The following IQCK variants were observed in gnomAD, a reference collection of about 807,000 sequenced individuals.
IQCK encodes the protein IQ domain-containing protein K.
IQCK carries 29 observed loss-of-function variants against 28.1 expected under a neutral mutation model. The ratio of observed to expected loss-of-function variants is 1.03; its 90% CI spans 0.77 to 1.41. The LOEUF is 1.41. IQCK is among the 40% of genes most tolerant of loss of function. The pLI is 0.00. For synonymous variants in IQCK, 113 were observed against 115.1 expected, an observed-to-expected ratio of 0.98 and a Z score of 0.12; for missense variants, 359 against 314.7, an observed-to-expected ratio of 1.14 and a Z score of -1.07.
chr16:19,727,170 C>T (rs1319189036), intron 1 of IQCK, among the ~76,000 whole-genome samples: 1 of 150,986 alleles, frequency 6.6e-6, no homozygotes, highest in Non-Finnish European at 1.5e-5. Flanking sequence ...AAGATAGTCA[C>T]TAATTTTTAT....
intron 4 of IQCK, among the ~76,000 whole-genome samples, chr16:19,748,390 C>T (rs558557848): frequency 1.4e-4 from 21 of 152,212 alleles, no homozygotes; most frequent in Admixed American, 7.9e-4. Flanking sequence ...CTTATCCTTC[C>T]ATTTACTAGT....
At chr16:19,856,557 A>G in exon 10 of IQCK, 1 of 1,612,218 alleles carries the variant, frequency 6.2e-7, no homozygotes, top group Non-Finnish European at 8.5e-7. Context: ...AACCATAGCT[A>G]AGACGTATCT....
intron 6 of IQCK, among the ~76,000 whole-genome samples, chr16:19,781,724 C>G (rs907122285): frequency 3.0e-4 from 46 of 152,148 alleles, no homozygotes; most frequent in African/African-American, 9.7e-4. Context: ...CGTGGTGGCT[C>G]ACGCCTGTAA....
rs568761074 is a variant in IQCK, at chr16:19,838,043, A to C, written c.802+10906A>C. On this transcript the variant is annotated intron_variant, in intron 9 of 9. Transcript: ENST00000320394. Reference sequence around the variant, plus strand: ...TGAATGGTTGAATCAGGAAATCTCTATAACAGCAAAACAGAATATCCCATA... The same window carrying C: ...TGAATGGTTGAATCAGGAAATCTCTCTAACAGCAAAACAGAATATCCCATA... Among the ~76,000 whole-genome samples, 3 of 152,374 alleles carry C rather than the reference A, an allele frequency of 2.0e-5. No individual in the cohort carries two copies. In the South Asian group the frequency reaches 6.2e-4, roughly 32 times the overall value.
rs1467786294 is a variant in IQCK at position 19,797,262 on chromosome 16, G to GA, written c.690+8348dup. ...ATGAAATCTTGGATACAATTGGTAA[G>GA]AAAAAAAACCTTGCTTTCTTGTGAG... On this transcript the variant is annotated intron_variant, in intron 7 of 7. Transcript: ENST00000564186. Among the ~76,000 whole-genome samples the GA allele has an allele frequency of 3.6e-5, 4 of 112,008 alleles. 1 individual carries two copies. Among genetic ancestry groups the GA allele is most frequent in the East Asian group, 4.4e-4 (2 of 4,522 alleles). The allele number at this position is 112,008 out of a possible 152,430, so 73.5% of individuals were successfully genotyped here.
chr16:19,850,582 C>T (rs1039622472), intron 9 of IQCK, among the ~76,000 whole-genome samples: 1 of 152,148 alleles, frequency 6.6e-6, no homozygotes, highest in African/African-American at 2.4e-5. Flanking sequence ...TCCATAGCTG[C>T]GTGGCAGATG....
chr16:19,820,765 A>T lies in IQCK; in HGVS notation c.691-6261A>T, dbSNP rs190120939. On this transcript the variant is annotated intron_variant, in intron 7 of 7. Transcript: ENST00000564186. ...ACAGAATGGGAGAAAATACTAGTAT[A>T]TAATACATTTGAGAAGCGTATAGTG... Among the ~76,000 whole-genome samples, 20 of 152,334 alleles carry T rather than the reference A, an allele frequency of 1.3e-4. No individual in the cohort carries two copies. The East Asian group carries it at 1.9e-3, about 15-fold the overall frequency.
chr16:19,837,501 C>G (rs1223796061), intron 9 of IQCK, among the ~76,000 whole-genome samples: 3 of 152,164 alleles, frequency 2.0e-5, no homozygotes, highest in Non-Finnish European at 4.4e-5. Flanking sequence ...TTAATCCTCT[C>G]CAGGCTGTTT....
At chr16:19,807,145 G>T (rs967050982) in intron 7 of IQCK, among the ~76,000 whole-genome samples, 3 of 152,188 alleles carry the variant, frequency 2.0e-5, no homozygotes, top group African/African-American at 7.2e-5. Context: ...CCCTATGGGG[G>T]CACCTACATG....
At chr16:19,802,019 A>AG (rs2055766889) in intron 7 of IQCK, among the ~76,000 whole-genome samples, 1 of 132,068 alleles carries the variant, frequency 7.6e-6, no homozygotes, top group Admixed American at 7.5e-5. Context: ...CAGCACTGAG[A>AG]GGGAGAGAGG....
Position 19,730,401 on chromosome 16 carries a change from A to T in IQCK, c.182-29A>T, listed in dbSNP as rs747767250. ...ACCAGAAACTCTAGTGAAGTATGGA[A>T]TTGAGGATTTTTTTTCCCTTCCCTT... On this transcript the variant is annotated intron_variant, in intron 1 of 7. Coordinates refer to ENST00000564186, the Ensembl canonical transcript of IQCK. 15 of 1,536,272 alleles carry T rather than the reference A, an allele frequency of 9.8e-6. No homozygotes were observed. The Admixed American group carries it at 2.4e-4, about 24-fold the overall frequency.
chr16:19,757,399 G>A (rs1308357948), intron 4 of IQCK, among the ~76,000 whole-genome samples: 3 of 152,180 alleles, frequency 2.0e-5, no homozygotes, highest in African/African-American at 4.8e-5. Flanking sequence ...TCGGCTGGGC[G>A]CTGTGGCTCA....
At chr16:19,760,494 C>T (rs533033988) in intron 4 of IQCK, among the ~76,000 whole-genome samples, 1 of 152,312 alleles carries the variant, frequency 6.6e-6, no homozygotes, top group South Asian at 2.1e-4. Flanking sequence ...TCAGGAGCGG[C>T]TGGGCTTAAT....
chr16:19,765,984 T>C (rs1009705300), intron 6 of IQCK: 2 of 152,212 alleles, frequency 1.3e-5, no homozygotes, highest in Non-Finnish European at 2.9e-5. Flanking sequence ...TTTTAAATGG[T>C]GCTGATGTCC....
At chr16:19,847,758 AT>A in intron 9 of IQCK, among the ~76,000 whole-genome samples, 1 of 152,322 alleles carries the variant, frequency 6.6e-6, no homozygotes, top group Middle Eastern at 3.4e-3. Flanking sequence ...TTATTGGGTT[AT>A]ATCCACCTTT....
chr16:19,837,295 G>A (rs2056310660), intron 9 of IQCK, among the ~76,000 whole-genome samples: 1 of 152,098 alleles, frequency 6.6e-6, no homozygotes, highest in African/African-American at 2.4e-5. Context: ...CAGCTACTTG[G>A]GAGGCTGAGG....
At chr16:19,769,802 A>T (rs2151716736) in intron 6 of IQCK, among the ~76,000 whole-genome samples, 1 of 152,298 alleles carries the variant, frequency 6.6e-6, no homozygotes, top group Non-Finnish European at 1.5e-5. Flanking sequence ...AGTTGGGGCT[A>T]CTAGTTCCAA....
chr16:19,771,801 C>A (rs1282721656), intron 6 of IQCK, among the ~76,000 whole-genome samples: 1 of 152,094 alleles, frequency 6.6e-6, no homozygotes, highest in Non-Finnish European at 1.5e-5. Flanking sequence ...TGAGAAAGTT[C>A]ATGGTGGGTG....
At chr16:19,844,270 G>A (rs941188452) in intron 9 of IQCK, among the ~76,000 whole-genome samples, 46 of 152,114 alleles carry the variant, frequency 3.0e-4, no homozygotes, top group African/African-American at 9.4e-4. Context: ...AGTAGTGACA[G>A]GGTTTCACTA....
Sources: gnomAD v4.1 joint callset for allele counts (sites outside exome capture counted in the v4.1 genomes callset) on GRCh38, gnomAD v4.1.1 for gene constraint, MANE v1.5 for transcripts, NCBI Gene and HGNC (gene_info 2026-07-23, HGNC 2026-07-21) for gene names.